ASAH2: variants seen among roughly 807,000 people sequenced by gnomAD.
ASAH2 encodes the protein N-acylsphingosine amidohydrolase 2.
Under a neutral mutation model 82.9 loss-of-function variants are expected in ASAH2, and 58 were observed. The observed-to-expected ratio is 0.70, with a 90% CI of 0.57 to 0.87. ASAH2 has a LOEUF of 0.87. Among genes scored for constraint, ASAH2 ranks in the 40% least tolerant of loss-of-function variants. The probability of loss-of-function intolerance (pLI) is 0.00; values close to 1 mark genes in which losing one functional copy is unlikely to be tolerated. For synonymous variants in ASAH2, 276 were observed against 289.7 expected (o/e 0.95, Z 0.48); for missense variants, 779 against 834.0 (o/e 0.93, Z 0.81).
At chr10:50,204,099 C>A (rs1210828164) in intron 14 of ASAH2, among the ~76,000 whole-genome samples, 1 of 151,892 alleles carries the variant, frequency 6.6e-6, no homozygotes, top group Non-Finnish European at 1.5e-5. Context: ...GATATGAGAG[C>A]TTGATGAAGA....
intron 12 of ASAH2, among the ~76,000 whole-genome samples, chr10:50,210,028 C>T (rs1845408331): frequency 6.6e-6 from 1 of 152,050 alleles, no homozygotes; most frequent in South Asian, 2.1e-4. Context: ...AATTGCACTC[C>T]TAGATATATA....
intron 7 of ASAH2, among the ~76,000 whole-genome samples, chr10:50,219,228 T>C (rs1178440150): frequency 6.6e-6 from 1 of 152,230 alleles, no homozygotes; most frequent in Non-Finnish European, 1.5e-5. Context: ...ATGTTAGGCA[T>C]AATTCAGTAT....
chr10:50,200,564 G>T (rs1405935250), intron 16 of ASAH2, among the ~76,000 whole-genome samples: 2 of 152,026 alleles, frequency 1.3e-5, no homozygotes, highest in Admixed American at 6.6e-5. Context: ...CCCAGTCTGG[G>T]CTGGTGCTCT....
chr10:50,207,632 C>A (rs187405967), intron 12 of ASAH2, among the ~76,000 whole-genome samples: 1 of 56,722 alleles, frequency 1.8e-5, no homozygotes, highest in Non-Finnish European at 6.7e-5. Context: ...AATAGGCAAT[C>A]TAAAAAAAAA....
In ASAH2 at chr10:50,203,674, A is replaced by T; in HGVS notation, c.1631T>A (p.Met544Lys). The T allele has an allele frequency of 1.2e-6, 2 of 1,612,548 alleles. No individual in the cohort carries two copies. Among genetic ancestry groups the T allele is most frequent in the Non-Finnish European group, 1.7e-6 (2 of 1,178,828 alleles). ...ITAIPGEFTT[M>K]SGRRLREAVQ... ...TGCCTCTCGAAGTCTTCGTCCAGAC[A>T]TGGTCCTGAGTCAAGAAAAAAATTA... The change falls in exon 15 of 21, where the codon ATG becomes AAG. Residue 544 changes from methionine to lysine, a missense_variant. Around this residue, in one of 3 missense-constraint regions of ASAH2, gnomAD observed 759 missense variants for 755.2 expected, o/e 1.00. Coordinates refer to ENST00000682911, the MANE Select transcript of ASAH2 (RefSeq NM_019893.4).
chr10:50,214,868 C>A lies in ASAH2; in HGVS notation c.1015G>T (p.Gly339Trp). 6.2e-7 allele frequency: 1 copy of A among 1,613,298 alleles called. No individual in the cohort carries two copies. Among genetic ancestry groups the A allele is most frequent in the Non-Finnish European group, 8.5e-7 (1 of 1,179,550 alleles). ...EKNKGYLPGQ[G>W]PFVAAFASSN... ...GAAGCAAAGGCTGCTACAAATGGCC[C>A]CTGCCAAAAGAAATGCCAAGTTGCC... Residue 339 changes from glycine (G) to tryptophan (W), a missense_variant and splice_region_variant, in exon 9 of 21, where the codon GGG becomes TGG. Gly to Trp is a radical substitution (Grantham distance 184). This residue lies in a region of ASAH2 where 759 missense variants were observed against 755.2 expected (regional missense o/e 1.00). Transcript: ENST00000682911.
At chr10:50,193,593 C>A (rs1844898161) in intron 18 of ASAH2, among the ~76,000 whole-genome samples, 1 of 151,570 alleles carries the variant, frequency 6.6e-6, no homozygotes, top group East Asian at 2.0e-4. Flanking sequence ...GACTGGAAAA[C>A]CTCATAATTC....
chr10:50,230,436 A>G (rs1284154035), intron 7 of ASAH2, among the ~76,000 whole-genome samples: 1 of 152,076 alleles, frequency 6.6e-6, no homozygotes, highest in African/African-American at 2.4e-5. Context: ...GCATCTACAT[A>G]TGGTGGGTGA....
Position 50,206,049 on chromosome 10 carries a change from A to G in ASAH2, c.1463T>C (p.Leu488Pro). 3.7e-6 allele frequency: 6 copies of G among 1,612,702 alleles called. No individual in the cohort carries two copies. Among genetic ancestry groups the G allele is most frequent in the Non-Finnish European group, 2.5e-6 (3 of 1,178,946 alleles). ...PFWDTIRDQI[L>P]GKPSEEIKEC... ...TTTAATTTCTTCAGATGGCTTTCCCAGGATCTGGTCCCGAATGGTGTCCCA... is the reference window on the plus strand; with the variant it reads ...TTTAATTTCTTCAGATGGCTTTCCCGGGATCTGGTCCCGAATGGTGTCCCA... The change falls in exon 13 of 21, where the codon CTG becomes CCG. Residue 488 changes from leucine to proline, a missense_variant. Physicochemically the swap from Leu to Pro is moderately conservative, Grantham distance 98. Transcript: ENST00000682911.
intron 8 of ASAH2, among the ~76,000 whole-genome samples, chr10:50,217,498 A>T (rs1490154460): frequency 1.3e-5 from 2 of 152,078 alleles, no homozygotes; most frequent in Non-Finnish European, 2.9e-5. Flanking sequence ...AAGTGCTGGG[A>T]TTACAGGTGT....
intron 14 of ASAH2, 100 bp downstream of exon 14, chr10:50,204,761 C>A (rs1845250093): frequency 1.1e-6 from 1 of 941,856 alleles, no homozygotes; most frequent in East Asian, 2.6e-5. Context: ...AGTAGGATAC[C>A]AAGGGGTCAA....
At chr10:50,233,122 C>G in intron 7 of ASAH2, 62 bp downstream of exon 7, 1 of 1,211,332 alleles carries the variant, frequency 8.3e-7, no homozygotes, top group Non-Finnish European at 1.2e-6. Context: ...AGTCTCTTTT[C>G]CCTTCTCTTT....
chr10:50,235,801 T>C (rs1457460533), intron 5 of ASAH2, 87 bp downstream of exon 5: 7 of 1,449,170 alleles, frequency 4.8e-6, no homozygotes, highest in Non-Finnish European at 6.8e-6. Flanking sequence ...CCAAATCCTA[T>C]AGGGATTCTT....
rs1376331973 is a variant in ASAH2 at position 50,236,071 on chromosome 10, GA to G, written c.511-8del. The G allele has an allele frequency of 6.3e-5, 101 of 1,611,890 alleles. No individual in the cohort carries two copies. The highest frequency in any genetic ancestry group is 2.8e-4 in the Admixed American group (17 of 59,836). On this transcript the variant is annotated splice_region_variant and splice_polypyrimidine_tract_variant and intron_variant, in intron 4 of 20. Transcript: ENST00000682911. ...TCTGCAGTCTGTTCAGGACCTTCAA[GA>G]AAAAAAGTAATTGAACTAAGAAGAG... is the stretch of plus-strand genomic sequence containing the variant.
chr10:50,243,146 C>T, intron 4 of ASAH2, 56 bp downstream of exon 4: 1 of 1,588,376 alleles, frequency 6.3e-7, no homozygotes, highest in Non-Finnish European at 8.6e-7. Context: ...CACATTCACC[C>T]ACTTTTCCTT....
Position 50,213,971 on chromosome 10 carries a change from G to A in ASAH2, c.1140+772C>T, listed in dbSNP as rs999613308. 8.0e-3 allele frequency among the ~76,000 whole-genome samples: 1,211 copies of A among 152,198 alleles called. 8 individuals carry two copies. The highest frequency in any genetic ancestry group is 0.012 in the Non-Finnish European group (836 of 67,994). ...AAGAACCCAAAAAGTAGCATCTACTGCTCATGTCAAAGTTGAAAACAAAGC... is the reference window on the plus strand; with the variant it reads ...AAGAACCCAAAAAGTAGCATCTACTACTCATGTCAAAGTTGAAAACAAAGC... On this transcript the variant is annotated intron_variant, in intron 9 of 20. Coordinates refer to ENST00000682911, the MANE Select transcript of ASAH2 (RefSeq NM_019893.4).
At chr10:50,198,213 T>A (rs1845042078) in intron 17 of ASAH2, 1 of 151,962 alleles carries the variant, frequency 6.6e-6, no homozygotes, top group Non-Finnish European at 1.5e-5. Flanking sequence ...TATGCCACAA[T>A]TGTTTCACAT....
chr10:50,223,136 T>G (rs907943276), intron 7 of ASAH2, among the ~76,000 whole-genome samples: 2 of 152,174 alleles, frequency 1.3e-5, no homozygotes, highest in African/African-American at 4.8e-5. Context: ...TAAAAATTAT[T>G]GAGACTGAAA....
At chr10:50,205,816 C>A (rs894074621) in intron 13 of ASAH2, among the ~76,000 whole-genome samples, 166 bp downstream of exon 13, 24 of 152,024 alleles carry the variant, frequency 1.6e-4, no homozygotes, top group African/African-American at 5.3e-4. Context: ...CCATAACCTT[C>A]ATTCCTTAGA....
Sources: allele counts gnomAD v4.1 joint callset (sites outside exome capture counted in the v4.1 genomes callset), GRCh38; gene constraint gnomAD v4.1.1; regional missense constraint gnomAD v4.1.1; transcripts MANE v1.5; gene names NCBI Gene and HGNC (gene_info 2026-07-23, HGNC 2026-07-21).